ALDH3A1: variants seen among roughly 807,000 people sequenced by gnomAD.
The protein encoded by ALDH3A1 is aldehyde dehydrogenase 3 family member A1.
ALDH3A1 carries 46 observed loss-of-function variants against 49.9 expected under a neutral mutation model. The observed-to-expected ratio is 0.92, with a 90% confidence interval of 0.73 to 1.18. The LOEUF (loss-of-function observed/expected upper bound fraction) is 1.18. ALDH3A1 is among the 50% of genes most tolerant of loss of function. ALDH3A1 has a pLI of 0.00. For missense variants in ALDH3A1, 592 were observed against 611.8 expected (o/e 0.97, Z 0.34); for synonymous variants, 269 against 253.3 (o/e 1.06, Z -0.59).
rs60739355 is a variant in ALDH3A1, at chr17:19,740,371, T to A, written c.914A>T (p.Tyr305Phe). The A allele has an allele frequency of 1.6e-3, 2,573 of 1,614,064 alleles. 32 individuals are homozygous for A. The African/African-American group carries it at 0.03, about 19-fold the overall frequency. The change falls in exon 7 of 11, where the codon TAT (tyrosine) becomes TTT (phenylalanine). Residue 305 changes from tyrosine to phenylalanine, a missense_variant. Coordinates refer to ENST00000225740, the MANE Select transcript of ALDH3A1 (RefSeq NM_000691.5). Reference sequence around the variant, plus strand: ...AGTGGCGGCATCCCCGGTGCCCCCATAAGCCACCTTCTGGCCCTCAATCAG... The same window carrying A: ...AGTGGCGGCATCCCCGGTGCCCCCAAAAGCCACCTTCTGGCCCTCAATCAG... ...MGLIEGQKVA[Y>F]GGTGDAATRY...
chr17:19,738,136 T>A lies in ALDH3A1; in HGVS notation c.*85A>T. The A allele has an allele frequency of 6.2e-7, 1 of 1,608,710 alleles. No individual in the cohort carries two copies. The highest frequency in any genetic ancestry group is 2.2e-5 in the East Asian group (1 of 44,836). ...GGCTGGGCTGGGGCTGCAGGAGCGA[T>A]TCTCCCAGGGCCAGGAGAGCCAGTG... is the stretch of plus-strand genomic sequence containing the variant. On this transcript the variant is annotated 3_prime_UTR_variant, in exon 11 of 11. Transcript: ENST00000225740.
chr17:19,742,556 A>C lies in ALDH3A1; in HGVS notation c.469T>G (p.Tyr157Asp), dbSNP rs780825276. ...ASLLATIIPQYLDKDLYPVIN... is the reference protein window; with the variant it reads ...ASLLATIIPQDLDKDLYPVIN... ...GGAGGGCAACTCACCTTGTCCAGGTACTGGGGGATGATGGTAGCCAGCAGG... is the reference window on the plus strand; with the variant it reads ...GGAGGGCAACTCACCTTGTCCAGGTCCTGGGGGATGATGGTAGCCAGCAGG... The change falls in exon 4 of 11, where the codon TAC (tyrosine) becomes GAC (aspartate). Residue 157 changes from tyrosine (Y) to aspartate (D), a missense_variant. Coordinates refer to ENST00000225740, the MANE Select transcript of ALDH3A1 (RefSeq NM_000691.5). 3 of 1,613,632 alleles carry C rather than the reference A, an allele frequency of 1.9e-6. No individual in the cohort carries two copies. In the Admixed American group the frequency reaches 5.0e-5, roughly 27 times the overall value.
At position 19,738,425 on chromosome 17, in the gene ALDH3A1, G is replaced by T; in HGVS notation, c.1245C>A (p.Gly415=). 1 of 1,613,464 alleles carries T rather than the reference G, an allele frequency of 6.2e-7. No homozygotes were observed. Residue 415 remains glycine (G), a synonymous_variant, in exon 10 of 11, where the codon GGC becomes GGA. Coordinates refer to ENST00000225740, the MANE Select transcript of ALDH3A1 (RefSeq NM_000691.5). ...GAGAGAAAGTCTCGAAGCTCTTCTTGCCATGGTAGGATCCCATGCCGCTGT... is the reference window on the plus strand; with the variant it reads ...GAGAGAAAGTCTCGAAGCTCTTCTTTCCATGGTAGGATCCCATGCCGCTGT... The part of the protein sequence containing the change: ...VGNSGMGSYH[G]KKSFETFSHR...
At chr17:19,747,490 G>A (rs1294320476) in intron 1 of ALDH3A1, among the ~76,000 whole-genome samples, 1 of 152,234 alleles carries the variant, frequency 6.6e-6, no homozygotes, top group South Asian at 2.1e-4. Flanking sequence ...GAAGAGCCTG[G>A]TGAGCGTGGG....
In ALDH3A1 at chr17:19,741,199, C is replaced by T. The variant is rs181328091; in HGVS notation, c.701G>A (p.Trp234Ter). 8.1e-6 allele frequency: 13 copies of T among 1,613,882 alleles called. No individual in the cohort carries two copies. The highest frequency in any genetic ancestry group is 1.7e-5 in the Admixed American group (1 of 60,024). The change falls in exon 6 of 11, where the codon TGG becomes TAG. Residue 234 changes from tryptophan (W) to a stop codon, truncating the protein, a stop_gained. Transcript: ENST00000225740. LOFTEE classifies it high-confidence loss of function. Reference protein sequence around the residue: ...DLDVACRRIAWGKFMNSGQTC... With the variant: ...DLDVACRRIA The stretch of plus-strand genomic sequence containing the variant: ...CTGGCCACTGTTCATGAATTTCCCC[C>T]AGGCGATGCGTCTGTGAGAATCCCA...
intron 7 of ALDH3A1, 34 bp from the exon 8 acceptor site, chr17:19,739,708 C>T (rs1018918034): frequency 1.9e-5 from 30 of 1,608,708 alleles, no homozygotes; most frequent in African/African-American, 2.7e-5. Flanking sequence ...TTGGACGGCG[C>T]AGAGACCCCC....
chr17:19,740,797 A>G (rs1459167392), intron 6 of ALDH3A1, among the ~76,000 whole-genome samples: 1 of 152,078 alleles, frequency 6.6e-6, no homozygotes, highest in Non-Finnish European at 1.5e-5. Flanking sequence ...CTGAGACAAC[A>G]GGCATGCACC....
chr17:19,745,551 A>T (rs947375878), intron 1 of ALDH3A1: 1 of 161,730 alleles, frequency 6.2e-6, no homozygotes, highest in African/African-American at 2.4e-5. Context: ...GCGATTCCAC[A>T]CCCAAGCCGA....
At chr17:19,742,477 C>T (rs2086513808) in intron 4 of ALDH3A1, 68 bp downstream of exon 4, 1 of 1,518,626 alleles carries the variant, frequency 6.6e-7, no homozygotes, top group Non-Finnish European at 9.0e-7. Flanking sequence ...TATTTCTCAC[C>T]CCCCAAAGAC....
intron 9 of ALDH3A1, 147 bp downstream of exon 9, chr17:19,738,849 T>C (rs1257339958): frequency 4.4e-6 from 3 of 680,494 alleles, no homozygotes; most frequent in Admixed American, 5.1e-5. Flanking sequence ...GTCTGATGGA[T>C]GGCACGCAGA....
intron 8 of ALDH3A1, 69 bp from the exon 9 acceptor site, chr17:19,739,164 T>C: frequency 7.2e-7 from 1 of 1,383,972 alleles, no homozygotes; most frequent in Non-Finnish European, 1.0e-6. Flanking sequence ...AACCCGACCC[T>C]GCCTGGGTAT....
chr17:19,744,817 G>A (rs2086567367), intron 2 of ALDH3A1, 151 bp downstream of exon 2: 1 of 1,353,992 alleles, frequency 7.4e-7, no homozygotes, highest in African/African-American at 1.5e-5. Flanking sequence ...CGGCGGAGGG[G>A]AGGGCGGTGC....
rs781593967 is a variant in ALDH3A1 at position 19,739,641 on chromosome 17, G to C, written c.983C>G (p.Ser328Cys). 5 of 1,613,938 alleles carry C rather than the reference G, an allele frequency of 3.1e-6. No homozygotes were observed. The East Asian group carries it at 1.1e-4, about 36-fold the overall frequency. ...PTILTDVDPQ[S>C]PVMQEEIFGP... ...GAAGATCTCCTCTTGCATCACCGGG[G>C]ACTGGGGGTCCACGTCCGTGAGGAT... The change falls in exon 8 of 11, where the codon TCC (serine) becomes TGC (cysteine). Residue 328 changes from serine to cysteine, a missense_variant. Transcript: ENST00000225740.
chr17:19,739,365 C>T (rs1470806366), intron 8 of ALDH3A1, 143 bp downstream of exon 8: 2 of 1,061,132 alleles, frequency 1.9e-6, no homozygotes. Context: ...CTGTCCTGAT[C>T]TTACAGACGA....
intron 6 of ALDH3A1, 53 bp downstream of exon 6, chr17:19,741,040 C>T (rs1368290576): frequency 7.2e-7 from 1 of 1,392,212 alleles, no homozygotes; most frequent in South Asian, 1.2e-5. Flanking sequence ...GGGCCAGGCC[C>T]CCCTTGTGCC....
intron 6 of ALDH3A1, 60 bp downstream of exon 6, chr17:19,741,033 C>T: frequency 7.6e-7 from 1 of 1,319,492 alleles, no homozygotes; most frequent in African/African-American, 1.4e-5. Context: ...GGTTAAGGGG[C>T]CAGGCCCCCC....
chr17:19,742,313 G>A, intron 4 of ALDH3A1, 101 bp from the exon 5 acceptor site: 2 of 1,329,658 alleles, frequency 1.5e-6, no homozygotes, highest in Admixed American at 1.9e-5. Flanking sequence ...CAGCCCCGAA[G>A]CTCAGCACCC....
In ALDH3A1 at chr17:19,739,598, G is replaced by T. The variant is rs761187992; in HGVS notation, c.1026C>A (p.Ile342=). 1.9e-6 allele frequency: 3 copies of T among 1,613,950 alleles called. No homozygotes were observed. Among genetic ancestry groups the T allele is most frequent in the Non-Finnish European group, 2.5e-6 (3 of 1,179,978 alleles). ...CCTCCTCCAGGCTGCGCACGCACAC[G>T]ATGGGCAGCACAGGCCCGAAGATCT... ...QEEIFGPVLP[I]VCVRSLEEAI... Residue 342 remains isoleucine (I), a synonymous_variant, in exon 8 of 11, where the codon ATC becomes ATA. Coordinates refer to ENST00000225740, the MANE Select transcript of ALDH3A1 (RefSeq NM_000691.5).
intron 1 of ALDH3A1, among the ~76,000 whole-genome samples, chr17:19,747,046 C>G (rs2086610584): frequency 1.3e-5 from 2 of 152,164 alleles, no homozygotes; most frequent in South Asian, 4.1e-4. Flanking sequence ...TCCTTACTCC[C>G]CTTCCTGAGA....
Sources: allele counts gnomAD v4.1 joint callset (sites outside exome capture counted in the v4.1 genomes callset), GRCh38; gene constraint gnomAD v4.1.1; transcripts MANE v1.5; gene names NCBI Gene and HGNC (gene_info 2026-07-23, HGNC 2026-07-21).